UNC13C: variants seen among roughly 807,000 people sequenced by gnomAD.
UNC13C encodes unc-13 homolog C.
UNC13C carries 174 observed loss-of-function variants against 245.4 expected under a neutral mutation model. The observed-to-expected ratio is 0.71, with a 90% CI of 0.63 to 0.80. The LOEUF (loss-of-function observed/expected upper bound fraction) is 0.80. Among genes scored for constraint, UNC13C ranks in the 30% least tolerant of loss-of-function variants. The probability of loss-of-function intolerance (pLI) is 0.00; values close to 1 mark genes in which losing one functional copy is unlikely to be tolerated. For synonymous variants in UNC13C, 992 were observed against 895.1 expected, an observed-to-expected ratio of 1.11 and a Z score of -1.93; for missense variants, 2,829 against 2,602.9, an observed-to-expected ratio of 1.09 and a Z score of -1.89.
chr15:54,362,963 G>A (rs2039270647), intron 17 of UNC13C, among the ~76,000 whole-genome samples: 1 of 152,126 alleles, frequency 6.6e-6, no homozygotes, highest in Non-Finnish European at 1.5e-5. Flanking sequence ...GCATGGTGAT[G>A]GACAAAAGGC....
intron 25 of UNC13C, among the ~76,000 whole-genome samples, chr15:54,529,389 T>C (rs1555391107): frequency 6.6e-6 from 1 of 152,124 alleles, no homozygotes. Flanking sequence ...GAAAACCAAA[T>C]ATGGAAAACC....
At chr15:54,480,169 G>A (rs1286850636) in intron 19 of UNC13C, among the ~76,000 whole-genome samples, 2 of 152,008 alleles carry the variant, frequency 1.3e-5, no homozygotes, top group African/African-American at 4.8e-5. Context: ...GATTGAATCT[G>A]TTGGAAGATC....
Position 54,627,079 on chromosome 15 carries a change from A to AATCTGAAACAAGATCTACT in UNC13C, c.6612_6630dup (p.Glu2211IlefsTer2). 1 of 1,612,732 alleles carries AATCTGAAACAAGATCTACT rather than the reference A, an allele frequency of 6.2e-7. No homozygotes were observed. Among genetic ancestry groups the AATCTGAAACAAGATCTACT allele is most frequent in the Non-Finnish European group, 8.5e-7 (1 of 1,179,248 alleles). On this transcript the variant is annotated frameshift_variant, in exon 33 of 33. Coordinates refer to ENST00000260323, the MANE Select transcript of UNC13C (RefSeq NM_001080534.3). LOFTEE classifies it high-confidence loss of function. ...GTGGCTAAAGAATTTGTAAGACTTA[A>AATCTGAAACAAGATCTACT]ATCTGAAACAAGATCTACTGAAGAG...
chr15:54,246,299 G>C (rs909841853), intron 7 of UNC13C, among the ~76,000 whole-genome samples: 2 of 152,050 alleles, frequency 1.3e-5, no homozygotes, highest in African/African-American at 4.8e-5. Flanking sequence ...GCCTACAAAG[G>C]CTTATCAGAA....
chr15:54,376,806 G>T (rs1289096509), intron 17 of UNC13C, among the ~76,000 whole-genome samples: 1 of 152,198 alleles, frequency 6.6e-6, no homozygotes. Flanking sequence ...AAGATGGTGA[G>T]TTCAATAGGT....
At chr15:54,149,465 C>G (rs1468080492) in intron 4 of UNC13C, among the ~76,000 whole-genome samples, 1 of 152,134 alleles carries the variant, frequency 6.6e-6, no homozygotes, top group African/African-American at 2.4e-5. Flanking sequence ...TACTGTATAG[C>G]CAGTGACTCA....
chr15:54,134,420 C>CGGTG (rs2031616955), intron 2 of UNC13C, among the ~76,000 whole-genome samples: 1 of 127,568 alleles, frequency 7.8e-6, no homozygotes, highest in Admixed American at 7.5e-5. Flanking sequence ...AAATAATCAT[C>CGGTG]TGTGTGTGTG....
At chr15:54,246,847 C>T (rs73411958) in intron 7 of UNC13C, among the ~76,000 whole-genome samples, 4,211 of 152,138 alleles carry the variant, frequency 0.028, 180 homozygotes, top group African/African-American at 0.095. Flanking sequence ...CAACAAACCA[C>T]CATGGCACAT....
At chr15:54,220,880 A>C (rs1322261190) in intron 4 of UNC13C, among the ~76,000 whole-genome samples, 1 of 152,038 alleles carries the variant, frequency 6.6e-6, no homozygotes, top group East Asian at 1.9e-4. Context: ...ACCTATCAAC[A>C]TCAAAACCTG....
At chr15:54,331,288 G>A (rs1398002) in intron 14 of UNC13C, among the ~76,000 whole-genome samples, 56,919 of 151,822 alleles carry the variant, frequency 0.37, 11,730 homozygotes, top group African/African-American at 0.54. Context: ...TTGTATGTGT[G>A]ACTTTTATGT....
At chr15:54,139,794 C>G (rs74016082) in intron 2 of UNC13C, among the ~76,000 whole-genome samples, 2,004 of 151,988 alleles carry the variant, frequency 0.013, 41 homozygotes, top group African/African-American at 0.046. Context: ...ATAAATATTC[C>G]TTTCTCTTTT....
At chr15:54,481,979 T>C (rs1295650740) in intron 19 of UNC13C, among the ~76,000 whole-genome samples, 1 of 152,164 alleles carries the variant, frequency 6.6e-6, no homozygotes, top group African/African-American at 2.4e-5. Flanking sequence ...TGTGGCAGCA[T>C]TGCTCCTGTG....
chr15:54,104,385 A>T (rs1229935280), intron 2 of UNC13C, among the ~76,000 whole-genome samples: 3 of 152,156 alleles, frequency 2.0e-5, no homozygotes, highest in Non-Finnish European at 4.4e-5. Context: ...AACTTAAAAA[A>T]ATATATTCTT....
At chr15:54,456,027 C>A (rs28869319) in intron 19 of UNC13C, among the ~76,000 whole-genome samples, 15,233 of 152,092 alleles carry the variant, frequency 0.1, 1,067 homozygotes, top group African/African-American at 0.2. Flanking sequence ...TTTGATAAAT[C>A]TTGAGTTGAT....
chr15:54,556,358 C>T (rs62022748), intron 29 of UNC13C, among the ~76,000 whole-genome samples: 9,303 of 152,084 alleles, frequency 0.061, 383 homozygotes, highest in Admixed American at 0.13. Flanking sequence ...GTATTCATTT[C>T]AACAGAGTTC....
At chr15:54,169,891 C>T (rs76093987) in intron 4 of UNC13C, among the ~76,000 whole-genome samples, 145 of 152,150 alleles carry the variant, frequency 9.5e-4, no homozygotes, top group East Asian at 5.8e-3. Context: ...GGGAACATTT[C>T]GCAGTTTATG....
chr15:54,126,304 TTAATC>T (rs761984564), intron 2 of UNC13C, among the ~76,000 whole-genome samples: 34 of 152,084 alleles, frequency 2.2e-4, no homozygotes, highest in Non-Finnish European at 3.7e-4. Context: ...CATACAAACA[TTAATC>T]TAATAAAGCA....
intron 23 of UNC13C, among the ~76,000 whole-genome samples, chr15:54,508,712 T>C (rs139244047): frequency 2.4e-4 from 37 of 152,296 alleles, no homozygotes; most frequent in Non-Finnish European, 4.6e-4. Flanking sequence ...TCAAGGCAAA[T>C]TGAAATGCTT....
At chr15:54,308,939 G>T (rs1441842910) in intron 13 of UNC13C, among the ~76,000 whole-genome samples, 1 of 151,502 alleles carries the variant, frequency 6.6e-6, no homozygotes, top group Non-Finnish European at 1.5e-5. Context: ...TCATATCTCG[G>T]CTATTGTGAG....
Sources: allele counts gnomAD v4.1 joint callset (sites outside exome capture counted in the v4.1 genomes callset), GRCh38; gene constraint gnomAD v4.1.1; transcripts MANE v1.5; gene names NCBI Gene and HGNC (gene_info 2026-07-23, HGNC 2026-07-21).